TRRAP: variants seen among roughly 807,000 people sequenced by gnomAD.
TRRAP encodes transformation/transcription domain associated protein.
TRRAP carries 41 observed loss-of-function variants against 438.8 expected under a neutral mutation model. The observed-to-expected ratio is 0.09, with a 90% CI of 0.07 to 0.12. TRRAP has a LOEUF of 0.12. Ranked by LOEUF, TRRAP falls within the 10% of genes least tolerant of loss-of-function variation. The pLI is 1.00. For synonymous variants in TRRAP, 1,994 were observed against 1,962.9 expected (o/e 1.02, Z -0.42); for missense variants, 3,122 against 5,055.1 (o/e 0.62, Z 11.60).
rs35981301 is a variant in TRRAP, at chr7:99,007,824, C to CT, written c.10754-537dup. ...TTTATTTTTTGTTTTTTTAAGATGTCTTTTTTTTTTTTTTTTCTTTGAGAT... is the reference window on the plus strand; with the variant it reads ...TTTATTTTTTGTTTTTTTAAGATGTCTTTTTTTTTTTTTTTTTCTTTGAGAT... On this transcript the variant is annotated intron_variant, in intron 69 of 72. Transcript: ENST00000456197. 5.6e-3 allele frequency among the ~76,000 whole-genome samples: 775 copies of CT among 137,732 alleles called. 1 individual carries two copies. Among genetic ancestry groups the CT allele is most frequent in the Middle Eastern group, 0.03 (8 of 270 alleles). The allele number at this position is 137,732 out of a possible 152,430, so 90.4% of individuals were successfully genotyped here.
At chr7:98,992,108 AC>A (rs1793453342) in intron 64 of TRRAP, 28 bp from the exon 65 acceptor site, 1 of 1,606,272 alleles carries the variant, frequency 6.2e-7, no homozygotes, top group Non-Finnish European at 8.5e-7. Flanking sequence ...AGAGAGCAGC[AC>A]TGTTTATAAC....
At chr7:98,999,349 A>G in intron 67 of TRRAP, 1 of 1,412,558 alleles carries the variant, frequency 7.1e-7, no homozygotes. Context: ...ATCAGACTTG[A>G]CAGTGATTCC....
intron 52 of TRRAP, among the ~76,000 whole-genome samples, chr7:98,970,858 G>C (rs2116707324): frequency 6.6e-6 from 1 of 152,324 alleles, no homozygotes; most frequent in African/African-American, 2.4e-5. Context: ...TCCCGGGACG[G>C]GCAGCAGGGA....
In TRRAP at chr7:98,903,562, G is replaced by A. The variant is rs369796601; in HGVS notation, c.1036+45G>A. The A allele has an allele frequency of 2.5e-6, 4 of 1,608,610 alleles. No homozygotes were observed. The African/African-American group carries it at 4.0e-5, about 16-fold the overall frequency. On this transcript the variant is annotated intron_variant, in intron 12 of 72. Transcript: ENST00000456197. The stretch of plus-strand genomic sequence containing the variant: ...TCTTGAATGCTGATGCTAGTCCTGT[G>A]GCCATCTTTGGGGACTCGGCTGACA...
At position 98,942,998 on chromosome 7, in the gene TRRAP, G is replaced by T. The variant is rs782083307; in HGVS notation, c.4454G>T (p.Gly1485Val). ...MEVVVITHKG[G>V]QRSDGNESIS... ...GTGGTGGTGATCACCCACAAAGGGG[G>T]CCAGAGGAGCGACGGAAACGTGAGT... The change falls in exon 31 of 73, where the codon GGC (glycine) becomes GTC (valine). Residue 1485 changes from glycine to valine, a missense_variant. Gly to Val is a moderately radical substitution (Grantham distance 109, BLOSUM62 -3). Coordinates refer to ENST00000456197, the MANE Select transcript of TRRAP (RefSeq NM_001375524.1). 1.2e-6 allele frequency: 2 copies of T among 1,614,168 alleles called. No homozygotes were observed. Among genetic ancestry groups the T allele is most frequent in the South Asian group, 2.2e-5 (2 of 91,078 alleles).
rs1476296173 is a variant in TRRAP at position 98,959,456 on chromosome 7, A to T, written c.6455A>T (p.Lys2152Met). ...RPDMWPKSELKLQWFDKLLMT... is the reference protein window; with the variant it reads ...RPDMWPKSELMLQWFDKLLMT... ...GACATGTGGCCCAAGTCCGAACTCAAGCTGCAGTGGTTCGACAAGCTGCTG... is the reference window on the plus strand; with the variant it reads ...GACATGTGGCCCAAGTCCGAACTCATGCTGCAGTGGTTCGACAAGCTGCTG... The change falls in exon 45 of 73, where the codon AAG (lysine) becomes ATG (methionine). Residue 2152 changes from lysine to methionine, a missense_variant. Around this residue, in one of 24 missense-constraint regions of TRRAP, gnomAD observed 992 missense variants for 1,281.2 expected, o/e 0.77. Coordinates refer to ENST00000456197, the MANE Select transcript of TRRAP (RefSeq NM_001375524.1). 5.0e-6 allele frequency: 8 copies of T among 1,613,868 alleles called. No homozygotes were observed. The highest frequency in any genetic ancestry group is 1.3e-5 in the African/African-American group (1 of 74,952).
In TRRAP at chr7:98,930,174, G is replaced by A; in HGVS notation, c.3361G>A (p.Val1121Ile). The change falls in exon 24 of 73, where the codon GTT becomes ATT. Residue 1121 changes from valine to isoleucine, a missense_variant. Transcript: ENST00000456197. The part of the protein sequence containing the change: ...GEVALAVIFD[V>I]ASIILGSKER... Reference sequence around the variant, plus strand: ...GGTGGCCCTAGCTGTGATATTTGATGTTGCAAGTATCATCCTGGGCTCCAA... The same window carrying A: ...GGTGGCCCTAGCTGTGATATTTGATATTGCAAGTATCATCCTGGGCTCCAA... 1 of 1,614,206 alleles carries A rather than the reference G, an allele frequency of 6.2e-7. No individual in the cohort carries two copies. The highest frequency in any genetic ancestry group is 8.5e-7 in the Non-Finnish European group (1 of 1,180,048).
At position 98,981,836 on chromosome 7, in the gene TRRAP, G is replaced by C. The variant is rs141693208; in HGVS notation, c.8702G>C (p.Cys2901Ser). Reference sequence around the variant, plus strand: ...ATGTACCGCGGATACCTGGCCATCTGCCACCCCGAGGAGCAGCAGCTCAGC... The same window carrying C: ...ATGTACCGCGGATACCTGGCCATCTCCCACCCCGAGGAGCAGCAGCTCAGC... ...VNMYRGYLAICHPEEQQLSFI... is the reference protein window; with the variant it reads ...VNMYRGYLAISHPEEQQLSFI... The change falls in exon 59 of 73, where the codon TGC becomes TCC. Residue 2901 changes from cysteine to serine, a missense_variant. Physicochemically the swap from Cys to Ser is moderately radical, Grantham distance 112. Transcript: ENST00000456197. The C allele has an allele frequency of 1.0e-5, 16 of 1,605,112 alleles. No homozygotes were observed. Among genetic ancestry groups the C allele is most frequent in the Non-Finnish European group, 1.4e-5 (16 of 1,176,614 alleles).
rs2116704579 is a variant in TRRAP at position 98,970,242 on chromosome 7, A to G, written c.7643A>G (p.His2548Arg). 3 of 1,613,596 alleles carry G rather than the reference A, an allele frequency of 1.9e-6. No individual in the cohort carries two copies. Among genetic ancestry groups the G allele is most frequent in the African/African-American group, 1.3e-5 (1 of 75,046 alleles). Reference sequence around the variant, plus strand: ...CGTGCCGCCTTCGCCATGGTCACACATGTCAAGCAGGAGCCCCGGGAGCGG... The same window carrying G: ...CGTGCCGCCTTCGCCATGGTCACACGTGTCAAGCAGGAGCCCCGGGAGCGG... ...HDRAAFAMVT[H>R]VKQEPREREN... The change falls in exon 52 of 73, where the codon CAT (histidine) becomes CGT (arginine). Residue 2548 changes from histidine (H) to arginine (R), a missense_variant. Physicochemically the swap from His to Arg is conservative, Grantham distance 29 (BLOSUM62 0). Transcript: ENST00000456197.
intron 12 of TRRAP, among the ~76,000 whole-genome samples, chr7:98,905,108 T>C (rs1164247956): frequency 6.6e-6 from 1 of 152,094 alleles, no homozygotes; most frequent in Non-Finnish European, 1.5e-5. Flanking sequence ...GCTGGAGGTG[T>C]TCCCACCTCC....
In TRRAP at chr7:99,004,494, C is replaced by T. The variant is rs1252027809; in HGVS notation, c.10535+79C>T. The T allele has an allele frequency of 8.5e-6, 11 of 1,292,604 alleles. No homozygotes were observed. The African/African-American group carries it at 1.6e-4, about 19-fold the overall frequency. 80.1% of individuals were successfully genotyped at this position (1,292,604 alleles called of 1,614,324 possible). ...AGCCCCATGGGAGCTCCAGGGTGGA[C>T]CCTGTGGGGAATTTTGGACACAGAT... is the stretch of plus-strand genomic sequence containing the variant. On this transcript the variant is annotated intron_variant, in intron 68 of 72. Coordinates refer to ENST00000456197, the MANE Select transcript of TRRAP (RefSeq NM_001375524.1).
In TRRAP at chr7:99,011,446, T is replaced by G; in HGVS notation, c.11248T>G (p.Ser3750Ala). The G allele has an allele frequency of 1.9e-6, 3 of 1,614,266 alleles. No individual in the cohort carries two copies. Among genetic ancestry groups the G allele is most frequent in the Non-Finnish European group, 2.5e-6 (3 of 1,180,048 alleles). ...PVPFRLTPNI[S>A]EFLTTIGVSG... ...CCCATTTCGACTCACGCCCAACATTTCTGAGTTTCTGACCACCATCGGGGT... is the reference window on the plus strand; with the variant it reads ...CCCATTTCGACTCACGCCCAACATTGCTGAGTTTCTGACCACCATCGGGGT... The change falls in exon 72 of 73, where the codon TCT becomes GCT. Residue 3750 changes from serine to alanine, a missense_variant. Around this residue, in one of 24 missense-constraint regions of TRRAP, gnomAD observed 192 missense variants for 355.6 expected, o/e 0.54. Coordinates refer to ENST00000456197, the MANE Select transcript of TRRAP (RefSeq NM_001375524.1). This position sits in a 1 kb window ranked among gnomAD's most constrained non-coding sequence, Gnocchi z 7.1.
chr7:98,913,024 T>C (rs1789348184), intron 18 of TRRAP, among the ~76,000 whole-genome samples: 1 of 152,140 alleles, frequency 6.6e-6, no homozygotes, highest in Non-Finnish European at 1.5e-5. Context: ...TAAGTTCCTA[T>C]TGCAACAAAA....
intron 18 of TRRAP, among the ~76,000 whole-genome samples, chr7:98,914,752 GAAAA>G (rs1789445151): frequency 3.2e-5 from 3 of 94,464 alleles, no homozygotes; most frequent in African/African-American, 1.0e-4. Context: ...AAAAAAGACA[GAAAA>G]AGAATGTTGG....
chr7:98,917,846 G>T (rs73393198), intron 20 of TRRAP, among the ~76,000 whole-genome samples, 167 bp downstream of exon 20: 2,435 of 152,200 alleles, frequency 0.016, 52 homozygotes, highest in African/African-American at 0.041. Flanking sequence ...AGAAGGCCGG[G>T]CACGGTGTCT....
At chr7:98,960,737 G>A (rs1398168714) in intron 45 of TRRAP, among the ~76,000 whole-genome samples, 2 of 151,242 alleles carry the variant, frequency 1.3e-5, no homozygotes, top group Admixed American at 6.6e-5. Flanking sequence ...GACTACAGGC[G>A]TATGCCACCA....
chr7:98,911,300 G>T, intron 17 of TRRAP, 29 bp downstream of exon 17: 1 of 1,552,816 alleles, frequency 6.4e-7, no homozygotes, highest in South Asian at 1.2e-5. Flanking sequence ...TATGTTGTTT[G>T]AACATTACAA....
At chr7:98,899,286 C>T in intron 8 of TRRAP, 136 bp from the exon 9 acceptor site, 1 of 713,314 alleles carries the variant, frequency 1.4e-6, no homozygotes. Context: ...TTGGATCTTT[C>T]ATCACAAATA....
chr7:98,988,875 G>A lies in TRRAP; in HGVS notation c.9500G>A (p.Arg3167Gln), dbSNP rs1245057200. 6 of 1,614,172 alleles carry A rather than the reference G, an allele frequency of 3.7e-6. No individual in the cohort carries two copies. Among genetic ancestry groups the A allele is most frequent in the East Asian group, 2.2e-5 (1 of 44,880 alleles). The stretch of plus-strand genomic sequence containing the variant: ...CTGGAGAACATCTTTGTGAAGGAGC[G>A]GCAGCTGCACCTGGGCGTGTCTGCC... ...DYLENIFVKE[R>Q]QLHLGVSAIT... Residue 3167 changes from arginine to glutamine, a missense_variant, in exon 63 of 73, where the codon CGG becomes CAG. Coordinates refer to ENST00000456197, the MANE Select transcript of TRRAP (RefSeq NM_001375524.1).
Sources: allele counts gnomAD v4.1 joint callset (sites outside exome capture counted in the v4.1 genomes callset), GRCh38; gene constraint gnomAD v4.1.1; regional missense constraint gnomAD v4.1.1; non-coding constraint Gnocchi (gnomAD v3.1); transcripts MANE v1.5; gene names NCBI Gene and HGNC (gene_info 2026-07-23, HGNC 2026-07-21).